ATG14: variants seen among roughly 807,000 people sequenced by gnomAD.
The protein encoded by ATG14 is beclin 1-associated autophagy-related key regulator.
ATG14 carries 35 observed loss-of-function variants against 60.4 expected under a neutral mutation model. That is an observed-to-expected ratio of 0.58 (90% CI 0.44 to 0.77). ATG14 has a LOEUF of 0.77. ATG14 is among the 30% of genes least tolerant of loss of function. The probability of loss-of-function intolerance (pLI) is 0.00; values close to 1 mark genes in which losing one functional copy is unlikely to be tolerated. For missense variants in ATG14, 647 were observed against 626.3 expected, an observed-to-expected ratio of 1.03 and a Z score of -0.35; for synonymous variants, 234 against 228.8, an observed-to-expected ratio of 1.02 and a Z score of -0.21.
chr14:55,411,786 C>T lies in ATG14; in HGVS notation c.37G>A (p.Glu13Lys), dbSNP rs1234045686. 1 of 1,602,572 alleles carries T rather than the reference C, an allele frequency of 6.2e-7. No individual in the cohort carries two copies. Among genetic ancestry groups the T allele is most frequent in the Non-Finnish European group, 8.5e-7 (1 of 1,175,128 alleles). The change falls in exon 1 of 10, where the codon GAG becomes AAG. Residue 13 changes from glutamate to lysine, a missense_variant. By Grantham distance (56) the Glu-to-Lys change is moderately conservative (BLOSUM62 1). Coordinates refer to ENST00000247178, the MANE Select transcript of ATG14 (RefSeq NM_014924.5). ...GGCCGGGGCCCGCAGCCAGGAGCCT[C>T]CAGCGCCCGGGCTCCCTTCCCACTG... ...SPSGKGARAL[E>K]APGCGPRPLA...
chr14:55,405,768 T>G (rs1356491029), intron 1 of ATG14, among the ~76,000 whole-genome samples: 9 of 152,148 alleles, frequency 5.9e-5, no homozygotes, highest in Non-Finnish European at 1.2e-4. Context: ...GTGTTGGAGG[T>G]ACTGCCTAAT....
intron 3 of ATG14, 114 bp downstream of exon 3, chr14:55,395,826 A>G: frequency 1.6e-6 from 1 of 642,516 alleles, no homozygotes; most frequent in Non-Finnish European, 2.3e-6. Context: ...AAGTGGATTA[A>G]GTAGAGGACT....
chr14:55,383,133 T>C (rs1459941163), intron 5 of ATG14, among the ~76,000 whole-genome samples: 2 of 152,202 alleles, frequency 1.3e-5, no homozygotes, highest in Non-Finnish European at 2.9e-5. Flanking sequence ...TACTTCAGTG[T>C]GCAGCACAAG....
rs1884759106 is a variant in ATG14, at chr14:55,369,381, G to GTCTGGGTAGAAAGACCTTCGACCCCTGT, written c.*210_*237dup. The stretch of plus-strand genomic sequence containing the variant: ...ACAGGTCCTCCTTCCACCAGCACTG[G>GTCTGGGTAGAAAGACCTTCGACCCCTGT]TCTGGGTAGAAAGACCTTCGACCCC... On this transcript the variant is annotated 3_prime_UTR_variant, in exon 10 of 10. Coordinates refer to ENST00000247178, the MANE Select transcript of ATG14 (RefSeq NM_014924.5). The GTCTGGGTAGAAAGACCTTCGACCCCTGT allele has an allele frequency of 2.3e-5, 8 of 353,058 alleles. No homozygotes were observed. The East Asian group carries it at 3.1e-4, about 14-fold the overall frequency. The allele number at this position is 353,058 out of a possible 1,614,324, so 21.9% of individuals were successfully genotyped here.
chr14:55,400,067 A>G (rs1476652517), intron 1 of ATG14, among the ~76,000 whole-genome samples: 1 of 152,256 alleles, frequency 6.6e-6, no homozygotes, highest in Non-Finnish European at 1.5e-5. Flanking sequence ...GTCCTCCTTC[A>G]TGAAAGAAAT....
chr14:55,377,775 G>C (rs1348724715), intron 9 of ATG14, 44 bp downstream of exon 9: 5 of 1,401,406 alleles, frequency 3.6e-6, no homozygotes, highest in Non-Finnish European at 4.9e-6. Context: ...CCTCTAACAG[G>C]ATTCACAAAA....
chr14:55,372,910 A>G (rs1884850381), intron 9 of ATG14, among the ~76,000 whole-genome samples: 1 of 152,156 alleles, frequency 6.6e-6, no homozygotes, highest in South Asian at 2.1e-4. Context: ...AGCTAAGTAC[A>G]ATGAAAAGCG....
Position 55,367,442 on chromosome 14 carries a change from T to A in ATG14, c.*2177A>T, listed in dbSNP as rs964445339. 1 of 152,212 alleles carries A rather than the reference T, an allele frequency of 6.6e-6. No homozygotes were observed. Among genetic ancestry groups the A allele is most frequent in the Non-Finnish European group, 1.5e-5 (1 of 68,080 alleles). The allele number at this position is 152,212 out of a possible 1,614,324, so 9.4% of individuals were successfully genotyped here. A position where few individuals can be genotyped will look rare whatever the true frequency, so the allele number is the denominator to read the frequency against. On this transcript the variant is annotated 3_prime_UTR_variant, in exon 10 of 10. Transcript: ENST00000247178. The stretch of plus-strand genomic sequence containing the variant: ...GCACTTAAAACAGAGATCCCAGCAG[T>A]GTAGAAGAACCCATAAGGGGCCGGG...
At chr14:55,404,519 A>G (rs1237707265) in intron 1 of ATG14, among the ~76,000 whole-genome samples, 2 of 152,114 alleles carry the variant, frequency 1.3e-5, no homozygotes, top group Non-Finnish European at 2.9e-5. Flanking sequence ...ATCACATTTT[A>G]TTTTCCATGA....
At chr14:55,386,559 G>C (rs1301277915) in intron 4 of ATG14, among the ~76,000 whole-genome samples, 1 of 152,224 alleles carries the variant, frequency 6.6e-6, no homozygotes, top group Non-Finnish European at 1.5e-5. Flanking sequence ...TCCAGTAGAG[G>C]AGAAGGGCAA....
intron 1 of ATG14, among the ~76,000 whole-genome samples, chr14:55,408,922 C>T (rs1253147835): frequency 6.6e-6 from 1 of 152,092 alleles, no homozygotes; most frequent in African/African-American, 2.4e-5. Flanking sequence ...GCTTCGTATG[C>T]CATAGTAAGG....
chr14:55,377,933 T>G, intron 8 of ATG14, 29 bp from the exon 9 acceptor site: 1 of 1,592,410 alleles, frequency 6.3e-7, no homozygotes, highest in Non-Finnish European at 8.5e-7. Context: ...TTGGTTAATA[T>G]TTTCAACTAT....
intron 3 of ATG14, chr14:55,395,322 C>T (rs1018815128): frequency 1.1e-5 from 3 of 261,236 alleles, no homozygotes; most frequent in African/African-American, 2.3e-5. Flanking sequence ...GCTGCTGCCA[C>T]GCCTCTCCCA....
In ATG14 at chr14:55,411,509, T is replaced by C. The variant is rs1041955949; in HGVS notation, c.221+93A>G. ...TCTCGCTCCTCTCGCTGGTATCTGG[T>C]GCCCGGACGGGGAGCCCCAGGTTCC... is the stretch of plus-strand genomic sequence containing the variant. On this transcript the variant is annotated intron_variant, in intron 1 of 9. Transcript: ENST00000247178. The C allele has an allele frequency of 6.4e-6, 8 of 1,241,852 alleles. No individual in the cohort carries two copies. In the African/African-American group the frequency reaches 1.2e-4, roughly 19 times the overall value. The allele number at this position is 1,241,852 out of a possible 1,614,324, so 76.9% of individuals were successfully genotyped here. A position where few individuals can be genotyped will look rare whatever the true frequency, so the allele number is the denominator to read the frequency against.
At chr14:55,386,501 T>C (rs190163452) in intron 4 of ATG14, among the ~76,000 whole-genome samples, 22 of 152,230 alleles carry the variant, frequency 1.4e-4, no homozygotes, top group African/African-American at 5.3e-4. Context: ...TAGGTGTGCC[T>C]TGGGCTATAA....
intron 9 of ATG14, among the ~76,000 whole-genome samples, chr14:55,371,117 C>G (rs1884807329): frequency 6.6e-6 from 1 of 152,192 alleles, no homozygotes; most frequent in Admixed American, 6.5e-5. Context: ...CTGCTGCCCC[C>G]AAGATAAGCA....
chr14:55,381,452 C>T (rs921732357), intron 6 of ATG14, among the ~76,000 whole-genome samples: 1 of 152,098 alleles, frequency 6.6e-6, no homozygotes, highest in African/African-American at 2.4e-5. Flanking sequence ...CTTACATAAA[C>T]AAGACAATAT....
In ATG14 at chr14:55,378,042, T is replaced by A. The variant is rs928379591; in HGVS notation, c.1028A>T (p.Lys343Ile). 5 of 1,612,844 alleles carry A rather than the reference T, an allele frequency of 3.1e-6. No homozygotes were observed. Among genetic ancestry groups the A allele is most frequent in the Non-Finnish European group, 4.2e-6 (5 of 1,179,190 alleles). The change falls in exon 8 of 10, where the codon AAA (lysine) becomes ATA (isoleucine). Residue 343 changes from lysine (K) to isoleucine (I), a missense_variant. Transcript: ENST00000247178. ...EFCGENLSKQ[K>I]FTRAVKKLNA... ...CAGTTTCTTCACTGCTCGAGTAAAT[T>A]TCTGCTTGCTTAGATTTTCGCCACA...
intron 2 of ATG14, among the ~76,000 whole-genome samples, chr14:55,396,334 A>T (rs1338097375): frequency 6.6e-6 from 1 of 152,260 alleles, no homozygotes; most frequent in Non-Finnish European, 1.5e-5. Context: ...GAAATGATAC[A>T]TGCCAGCATC....
Sources: gnomAD v4.1 joint callset for allele counts (sites outside exome capture counted in the v4.1 genomes callset) on GRCh38, gnomAD v4.1.1 for gene constraint, MANE v1.5 for transcripts, NCBI Gene and HGNC (gene_info 2026-07-23, HGNC 2026-07-21) for gene names.